Variants in GCNT2 observed in about 807,000 individuals in gnomAD.
The protein encoded by GCNT2 is glucosaminyl (N-acetyl) transferase 2 (I blood group).
A neutral mutation model predicts 34.2 loss-of-function variants in GCNT2; 34 were observed. That is an observed-to-expected ratio of 1.00 (90% CI 0.76 to 1.32). The LOEUF is 1.32. Ranked by LOEUF, GCNT2 falls within the 40% of genes most tolerant of loss-of-function variation. GCNT2 has a pLI of 0.00. For synonymous variants in GCNT2, 212 were observed against 188.0 expected (o/e 1.13, Z -1.04); for missense variants, 584 against 489.4 (o/e 1.19, Z -1.82).
chr6:10,523,768 C>G (rs755250236), intron 1 of GCNT2, among the ~76,000 whole-genome samples: 29 of 152,044 alleles, frequency 1.9e-4, no homozygotes, highest in South Asian at 6.2e-4. Context: ...GTCAGGAGAT[C>G]GAGACCATCC....
intron 3 of GCNT2, among the ~76,000 whole-genome samples, chr6:10,618,608 G>A (rs559398584): frequency 1.2e-4 from 19 of 152,222 alleles, no homozygotes; most frequent in Non-Finnish European, 2.1e-4. Flanking sequence ...ATAATAACAC[G>A]TCAGCTAAGC....
intron 3 of GCNT2, among the ~76,000 whole-genome samples, chr6:10,543,082 A>AT (rs1436378531): frequency 2.7e-5 from 4 of 149,938 alleles, no homozygotes; most frequent in Admixed American, 6.7e-5. Flanking sequence ...TAATTTTTAT[A>AT]TTTTTAGTAG....
In GCNT2 at chr6:10,604,574, C is replaced by T. The variant is rs112015540; in HGVS notation, c.926-16777C>T. 2.1e-3 allele frequency among the ~76,000 whole-genome samples: 326 copies of T among 152,250 alleles called. 3 individuals are homozygous for T. The highest frequency in any genetic ancestry group is 7.2e-3 in the African/African-American group (301 of 41,562). ...TATAGATAATACTATGAAGTATTAT[C>T]TCTGGGCCAGGTGTGCTGGCTCACG... On this transcript the variant is annotated intron_variant, in intron 3 of 4. Transcript: ENST00000495262.
rs757507188 is a variant in GCNT2 at position 10,556,411 on chromosome 6, C to T, written c.925+26575C>T. ...TTTTGACGGTCTCTTGACATTTCAC[C>T]CTTCTTTGAGGCATGCCTTTATCAA... On this transcript the variant is annotated intron_variant, in intron 3 of 4. Transcript: ENST00000495262. 5 of 1,613,410 alleles carry T rather than the reference C, an allele frequency of 3.1e-6. No individual in the cohort carries two copies. In the African/African-American group the frequency reaches 6.7e-5, roughly 22 times the overall value.
chr6:10,594,615 G>T (rs192784993), intron 3 of GCNT2, among the ~76,000 whole-genome samples: 1 of 152,164 alleles, frequency 6.6e-6, no homozygotes, highest in Non-Finnish European at 1.5e-5. Flanking sequence ...AAAATGACAG[G>T]TTAGGTGTTT....
intron 3 of GCNT2, among the ~76,000 whole-genome samples, chr6:10,540,091 G>C (rs914512649): frequency 6.7e-6 from 1 of 149,884 alleles, no homozygotes; most frequent in Non-Finnish European, 1.5e-5. Context: ...AAAAAAGGAA[G>C]GAAAGGAAGG....
Position 10,626,603 on chromosome 6 carries a change from T to C in GCNT2, c.1205T>C (p.Phe402Ser). Reference sequence around the variant, plus strand: ...ACTGCGATACAACCCAGCTGGTATTTTTGAGCTATTCATGAGCTACTCATG... The same window carrying C: ...ACTGCGATACAACCCAGCTGGTATTCTTGAGCTATTCATGAGCTACTCATG... ...SETAIQPSWY[F>S] Residue 402 changes from phenylalanine (F) to serine (S), a missense_variant, in exon 5 of 5, where the codon TTT becomes TCT. Phe to Ser is a radical substitution (Grantham distance 155). Transcript: ENST00000495262. 6.2e-7 allele frequency: 1 copy of C among 1,612,410 alleles called. No individual in the cohort carries two copies. Among genetic ancestry groups the C allele is most frequent in the Non-Finnish European group, 8.5e-7 (1 of 1,178,506 alleles).
intron 3 of GCNT2, among the ~76,000 whole-genome samples, chr6:10,536,923 G>A (rs531713366): frequency 1.9e-3 from 285 of 151,574 alleles, no homozygotes; most frequent in African/African-American, 6.5e-3. Flanking sequence ...CCGCCACCAC[G>A]CCTGGCTAAT....
At chr6:10,588,008 A>C (rs752040578) in intron 3 of GCNT2, among the ~76,000 whole-genome samples, 1 of 152,186 alleles carries the variant, frequency 6.6e-6, no homozygotes, top group Non-Finnish European at 1.5e-5. Context: ...CATACTTTCA[A>C]GTGCTGTTTG....
intron 1 of GCNT2, among the ~76,000 whole-genome samples, chr6:10,525,272 C>T (rs1257717629): frequency 6.6e-6 from 1 of 152,092 alleles, no homozygotes; most frequent in African/African-American, 2.4e-5. Context: ...ATAATATACA[C>T]CCTGCCAGTT....
In GCNT2 at chr6:10,610,812, T is replaced by A. The variant is rs150692364; in HGVS notation, c.926-10539T>A. The stretch of plus-strand genomic sequence containing the variant: ...ACTCCTAAACTAGAGCCTAGAAAAT[T>A]CACTTAAATTTTCTAGGCTGTAGTT... On this transcript the variant is annotated intron_variant, in intron 3 of 4. Transcript: ENST00000495262. Among the ~76,000 whole-genome samples the A allele has an allele frequency of 6.8e-3, 1,036 of 152,174 alleles. 16 individuals are homozygous for A. The highest frequency in any genetic ancestry group is 0.024 in the African/African-American group (985 of 41,500).
At position 10,529,354 on chromosome 6, in the gene GCNT2, C is replaced by A. The variant is rs2113508618; in HGVS notation, c.443C>A (p.Pro148Gln). The change falls in exon 3 of 5, where the codon CCA (proline) becomes CAA (glutamine). Residue 148 changes from proline (P) to glutamine (Q), a missense_variant. Transcript: ENST00000495262. ...GTGAAACAGTTACTCAGCTGCTTCC[C>A]AAATGCTTTTCTGGCTTCCAAGAAG... ...GAVKQLLSCF[P>Q]NAFLASKKES... The A allele has an allele frequency of 5.0e-6, 8 of 1,614,048 alleles. No homozygotes were observed. In the East Asian group the frequency reaches 1.8e-4, roughly 36 times the overall value.
chr6:10,575,464 A>G (rs60469168), intron 3 of GCNT2, among the ~76,000 whole-genome samples: 10,468 of 150,578 alleles, frequency 0.07, 1,090 homozygotes, highest in African/African-American at 0.23. Flanking sequence ...TGGGTTCAAG[A>G]GATTCTCCTG....
chr6:10,550,830 C>T (rs1407317895), intron 3 of GCNT2, among the ~76,000 whole-genome samples: 1 of 152,198 alleles, frequency 6.6e-6, no homozygotes, highest in Non-Finnish European at 1.5e-5. Flanking sequence ...ACTCTTAGGG[C>T]AGGGGCCCTG....
chr6:10,563,895 AT>A (rs1763162774), intron 3 of GCNT2, among the ~76,000 whole-genome samples: 1 of 150,636 alleles, frequency 6.6e-6, no homozygotes, highest in South Asian at 2.1e-4. Flanking sequence ...AGCACATGTT[AT>A]CCGCTTATTT....
intron 3 of GCNT2, among the ~76,000 whole-genome samples, chr6:10,567,870 T>A (rs2127392726): frequency 6.6e-6 from 1 of 152,324 alleles, no homozygotes; most frequent in Middle Eastern, 3.4e-3. Context: ...CTCAAGATAA[T>A]GAAAAGGTGA....
rs1765134355 is a variant in GCNT2, at chr6:10,602,637, G to C, written c.926-18714G>C. 2.0e-5 allele frequency among the ~76,000 whole-genome samples: 3 copies of C among 151,218 alleles called. No individual in the cohort carries two copies. In the South Asian group the frequency reaches 6.2e-4, roughly 31 times the overall value. On this transcript the variant is annotated intron_variant, in intron 3 of 4. Coordinates refer to ENST00000495262, the MANE Select transcript of GCNT2 (RefSeq NM_145649.5). ...AACAACTTTTGACCTGTCTCGGTTT[G>C]CAAATAGGGGTTAAAATTAAACAAG...
chr6:10,555,696 G>A, intron 3 of GCNT2: 4 of 983,742 alleles, frequency 4.1e-6, no homozygotes, highest in Non-Finnish European at 4.8e-6. Flanking sequence ...CAGACCCCCT[G>A]GGACAGGAAC....
chr6:10,558,473 C>G (rs7753788), intron 3 of GCNT2, among the ~76,000 whole-genome samples: 4,530 of 152,280 alleles, frequency 0.03, 230 homozygotes, highest in African/African-American at 0.1. Context: ...AAACTCCTTG[C>G]TTTCTCACCC....
Sources: allele counts gnomAD v4.1 joint callset (sites outside exome capture counted in the v4.1 genomes callset), GRCh38; gene constraint gnomAD v4.1.1; transcripts MANE v1.5; gene names NCBI Gene and HGNC (gene_info 2026-07-23, HGNC 2026-07-21).